Variants in FZD3 observed in about 807,000 individuals in gnomAD.
FZD3 encodes frizzled-3.
In FZD3, 30 loss-of-function variants were observed where a neutral mutation model predicts 60.7. That is an observed-to-expected ratio of 0.49 (90% CI 0.37 to 0.67). FZD3 has a LOEUF of 0.67. Ranked by LOEUF, FZD3 falls within the 30% of genes least tolerant of loss-of-function variation. The pLI is 0.00. For missense variants in FZD3, 605 were observed against 838.7 expected (o/e 0.72, Z 3.44); for synonymous variants, 246 against 275.2 (o/e 0.89, Z 1.05).
chr8:28,549,633 G>C (rs1554539468), intron 5 of FZD3, among the ~76,000 whole-genome samples: 2 of 152,052 alleles, frequency 1.3e-5, no homozygotes, highest in Non-Finnish European at 2.9e-5. Context: ...TACTTTTCTT[G>C]TATTCCATAT....
At chr8:28,558,572 A>G (rs1178405608) in intron 7 of FZD3, among the ~76,000 whole-genome samples, 1 of 152,026 alleles carries the variant, frequency 6.6e-6, no homozygotes, top group African/African-American at 2.4e-5. Context: ...CTAGGATTAC[A>G]GGCATGTGCC....
At chr8:28,536,494 G>C (rs113532072) in intron 5 of FZD3, among the ~76,000 whole-genome samples, 3,263 of 152,282 alleles carry the variant, frequency 0.021, 107 homozygotes, top group African/African-American at 0.074. Flanking sequence ...GATCACCTGA[G>C]GTTGGGAGTT....
chr8:28,555,657 T>TA, intron 6 of FZD3, 81 bp from the exon 7 acceptor site: 7 of 791,062 alleles, frequency 8.8e-6, no homozygotes, highest in Non-Finnish European at 1.5e-5. Context: ...TCAAGAATAA[T>TA]ATCAGTGTTT....
intron 5 of FZD3, among the ~76,000 whole-genome samples, chr8:28,540,727 T>G (rs1477669415): frequency 2.6e-5 from 4 of 152,148 alleles, no homozygotes; most frequent in Non-Finnish European, 4.4e-5. Context: ...GGTTGATTAC[T>G]TGAGGTCAGG....
rs895160695 is a variant in FZD3, at chr8:28,563,899, G to T, written c.*888G>T. ...ATAAGGTAACCACAATTACAAAATG[G>T]CAAAACATTTTCTCTGTATTCATTG... On this transcript the variant is annotated 3_prime_UTR_variant, in exon 8 of 8. Coordinates refer to ENST00000240093, the MANE Select transcript of FZD3 (RefSeq NM_017412.4). 4 of 152,576 alleles carry T rather than the reference G, an allele frequency of 2.6e-5. No homozygotes were observed. The highest frequency in any genetic ancestry group is 7.2e-5 in the African/African-American group (3 of 41,426). The allele number at this position is 152,576 out of a possible 1,614,324, so 9.5% of individuals were successfully genotyped here. A position where few individuals can be genotyped will look rare whatever the true frequency, so the allele number is the denominator to read the frequency against.
chr8:28,565,712 T>C lies in FZD3; in HGVS notation c.*2701T>C, dbSNP rs915002379. ...TTTTCAGTTACTTTCAGTAAGTATC[T>C]TAATTTTGTCCCACAAAATTTATGT... On this transcript the variant is annotated 3_prime_UTR_variant, in exon 8 of 8. Coordinates refer to ENST00000240093, the MANE Select transcript of FZD3 (RefSeq NM_017412.4). 6.6e-6 allele frequency: 1 copy of C among 152,168 alleles called. No individual in the cohort carries two copies. The highest frequency in any genetic ancestry group is 1.5e-5 in the Non-Finnish European group (1 of 68,004). The allele number at this position is 152,168 out of a possible 1,614,324, so 9.4% of individuals were successfully genotyped here. A position where few individuals can be genotyped will look rare whatever the true frequency, so the allele number is the denominator to read the frequency against.
intron 3 of FZD3, among the ~76,000 whole-genome samples, chr8:28,510,648 A>C (rs565758080): frequency 3.4e-4 from 52 of 152,360 alleles, no homozygotes; most frequent in Non-Finnish European, 5.9e-4. Flanking sequence ...TTTGCTACTT[A>C]TCAACTGTGG....
chr8:28,507,041 T>C (rs1804159755), intron 3 of FZD3, among the ~76,000 whole-genome samples: 1 of 152,212 alleles, frequency 6.6e-6, no homozygotes, highest in African/African-American at 2.4e-5. Flanking sequence ...TATTTTGTTA[T>C]ATACCTCCGA....
chr8:28,539,731 A>G (rs1284294581), intron 5 of FZD3, among the ~76,000 whole-genome samples: 2 of 152,214 alleles, frequency 1.3e-5, no homozygotes, highest in African/African-American at 2.4e-5. Flanking sequence ...ACCCAATGCA[A>G]TATGTACTTC....
At chr8:28,506,723 G>A (rs1204731301) in intron 3 of FZD3, among the ~76,000 whole-genome samples, 3 of 152,140 alleles carry the variant, frequency 2.0e-5, no homozygotes, top group Non-Finnish European at 4.4e-5. Flanking sequence ...AAAGCTGGCA[G>A]TGAAATAATC....
chr8:28,522,104 CTTTTTTT>C (rs1159167662), intron 4 of FZD3, among the ~76,000 whole-genome samples: 4 of 140,396 alleles, frequency 2.8e-5, no homozygotes, highest in Non-Finnish European at 6.2e-5. Flanking sequence ...TTTCTCTTCT[CTTTTTTT>C]TTTTTTTTTT....
chr8:28,532,124 G>A (rs1236708140), intron 5 of FZD3, among the ~76,000 whole-genome samples: 1 of 152,130 alleles, frequency 6.6e-6, no homozygotes, highest in Non-Finnish European at 1.5e-5. Context: ...TGCAACCTCT[G>A]TCATGCACAA....
intron 5 of FZD3, among the ~76,000 whole-genome samples, chr8:28,545,143 A>G (rs555481290): frequency 1.8e-4 from 27 of 152,328 alleles, no homozygotes; most frequent in African/African-American, 5.5e-4. Flanking sequence ...GGGGACAAAC[A>G]TTCCAACCAT....
At chr8:28,541,565 G>A (rs1223937392) in intron 5 of FZD3, among the ~76,000 whole-genome samples, 2 of 152,136 alleles carry the variant, frequency 1.3e-5, no homozygotes, top group African/African-American at 4.8e-5. Context: ...TTCTCTCCTA[G>A]GCTCTCTGTT....
intron 3 of FZD3, among the ~76,000 whole-genome samples, chr8:28,517,395 A>G (rs1169349688): frequency 6.6e-6 from 1 of 152,232 alleles, no homozygotes; most frequent in African/African-American, 2.4e-5. Context: ...TAAATAAGAT[A>G]CGCCTAGCTG....
At chr8:28,523,340 TC>T (rs1381331191) in intron 4 of FZD3, among the ~76,000 whole-genome samples, 1 of 152,298 alleles carries the variant, frequency 6.6e-6, no homozygotes, top group East Asian at 1.9e-4. Flanking sequence ...GAACACAGTT[TC>T]CCCATGTGGC....
Position 28,570,782 on chromosome 8 carries a change from A to G in FZD3, c.*7771A>G, listed in dbSNP as rs992627749. On this transcript the variant is annotated 3_prime_UTR_variant, in exon 8 of 8. Transcript: ENST00000240093. ...TTGCTCTGATTGTCTACATTAGCTCATATCAGTCTTTTGAACACTGGTTCA... is the reference window on the plus strand; with the variant it reads ...TTGCTCTGATTGTCTACATTAGCTCGTATCAGTCTTTTGAACACTGGTTCA... 6.6e-6 allele frequency: 1 copy of G among 152,144 alleles called. No homozygotes were observed. Among genetic ancestry groups the G allele is most frequent in the Non-Finnish European group, 1.5e-5 (1 of 68,052 alleles). The allele number at this position is 152,144 out of a possible 1,614,324, so 9.4% of individuals were successfully genotyped here. A position where few individuals can be genotyped will look rare whatever the true frequency, so the allele number is the denominator to read the frequency against.
Position 28,571,848 on chromosome 8 carries a change from GTTA to G in FZD3, c.*8840_*8842del, listed in dbSNP as rs926029588. On this transcript the variant is annotated 3_prime_UTR_variant, in exon 8 of 8. Transcript: ENST00000240093. ...AAAAACGATTAAATTATCTTATCTTGTTATTTAATAGAACAATGGAAGCTGTTT... is the reference window on the plus strand; with the variant it reads ...AAAAACGATTAAATTATCTTATCTTGTTTAATAGAACAATGGAAGCTGTTT... The G allele has an allele frequency of 4.6e-5, 7 of 151,936 alleles. No individual in the cohort carries two copies. Among genetic ancestry groups the G allele is most frequent in the Admixed American group, 4.6e-4 (7 of 15,260 alleles). The allele number at this position is 151,936 out of a possible 1,614,324, so 9.4% of individuals were successfully genotyped here.
rs1459688381 is a variant in FZD3, at chr8:28,556,692, A to ACAT, written c.1787+721_1787+722insCAT. Among the ~76,000 whole-genome samples the ACAT allele has an allele frequency of 4.7e-3, 721 of 152,320 alleles. 24 individuals carry two copies. In the East Asian group the frequency reaches 0.091, roughly 19 times the overall value. On this transcript the variant is annotated intron_variant, in intron 7 of 7. Coordinates refer to ENST00000240093, the MANE Select transcript of FZD3 (RefSeq NM_017412.4). Reference sequence around the variant, plus strand: ...ATTTGAGTCTGCTGTTGTAGCATGAAAGCAGTCATAGACAATATGTAGTCA... The same window carrying ACAT: ...ATTTGAGTCTGCTGTTGTAGCATGAACATAGCAGTCATAGACAATATGTAGTCA...
Sources: allele counts gnomAD v4.1 joint callset (sites outside exome capture counted in the v4.1 genomes callset), GRCh38; gene constraint gnomAD v4.1.1; transcripts MANE v1.5; gene names NCBI Gene and HGNC (gene_info 2026-07-23, HGNC 2026-07-21).